The following MAP3K6 variants were observed in gnomAD, a reference collection of about 807,000 sequenced individuals.
MAP3K6 encodes the protein mitogen-activated protein kinase kinase kinase 6.
In MAP3K6, 105 loss-of-function variants were observed where a neutral mutation model predicts 147.1. The ratio of observed to expected loss-of-function variants is 0.71; its 90% CI spans 0.61 to 0.84. MAP3K6 has a LOEUF of 0.84. Among genes scored for constraint, MAP3K6 ranks in the 40% least tolerant of loss-of-function variants. The probability of loss-of-function intolerance (pLI) is 0.00; values close to 1 mark genes in which losing one functional copy is unlikely to be tolerated. For synonymous variants in MAP3K6, 695 were observed against 732.4 expected, an observed-to-expected ratio of 0.95 and a Z score of 0.82; for missense variants, 1,569 against 1,715.0, an observed-to-expected ratio of 0.91 and a Z score of 1.50.
At position 27,358,506 on chromosome 1, in the gene MAP3K6, C is replaced by T. The variant is rs763441636; in HGVS notation, c.2689G>A (p.Ala897Thr). 26 of 1,604,736 alleles carry T rather than the reference C, an allele frequency of 1.6e-5. No individual in the cohort carries two copies. The highest frequency in any genetic ancestry group is 8.9e-5 in the South Asian group (8 of 90,078). ...FEPDPRLRAS[A>T]QTLLGDPFLQ... is the part of the protein sequence containing the mutation. ...AAGGGGTCCCCCAGCAGTGTCTGGG[C>T]GCTGGCTCGGAGGCGGGGGTCTGGC... The change falls in exon 20 of 29, where the codon GCC (alanine) becomes ACC (threonine). Residue 897 changes from alanine (A) to threonine (T), a missense_variant. Coordinates refer to ENST00000357582, the MANE Select transcript of MAP3K6 (RefSeq NM_004672.5). This position sits in a 1 kb window ranked among gnomAD's most constrained non-coding sequence, Gnocchi z 6.2.
In MAP3K6 at chr1:27,359,703, C is replaced by T; in HGVS notation, c.2319+155G>A. On this transcript the variant is annotated intron_variant, in intron 17 of 28. Transcript: ENST00000357582. The surrounding 1 kb of genome is among the most constrained non-coding windows in gnomAD (Gnocchi z 4.4). ...CAATTGGTTTGGCTTCAGAGCTGAA[C>T]CTTTCCCCTCCTTCTCTAAGGAGCC... 1.2e-6 allele frequency: 1 copy of T among 865,148 alleles called. No homozygotes were observed. Among genetic ancestry groups the T allele is most frequent in the Non-Finnish European group, 1.4e-6 (1 of 720,562 alleles). 53.6% of individuals were successfully genotyped at this position (865,148 alleles called of 1,614,324 possible).
In MAP3K6 at chr1:27,361,187, A is replaced by C. The variant is rs774521273; in HGVS notation, c.1802T>G (p.Leu601Arg). The C allele has an allele frequency of 1.9e-6, 3 of 1,612,588 alleles. No individual in the cohort carries two copies. The highest frequency in any genetic ancestry group is 2.5e-6 in the Non-Finnish European group (3 of 1,179,674). Residue 601 changes from leucine to arginine, a missense_variant, in exon 13 of 29, where the codon CTG becomes CGG. By Grantham distance (102) the Leu-to-Arg change is moderately radical (BLOSUM62 -2). Coordinates refer to ENST00000357582, the MANE Select transcript of MAP3K6 (RefSeq NM_004672.5). ...YALPPAQDVQLCFPSVGHCQW... is the reference protein window; with the variant it reads ...YALPPAQDVQRCFPSVGHCQW... ...GCAGTGCCCTACGCTGGGGAAGCAC[A>C]GCTGGACGTCCTGAGCCGGGGGGAG...
In MAP3K6 at chr1:27,361,191, G is replaced by T; in HGVS notation, c.1798C>A (p.Gln600Lys). 6.2e-7 allele frequency: 1 copy of T among 1,612,760 alleles called. No homozygotes were observed. Among genetic ancestry groups the T allele is most frequent in the Non-Finnish European group, 8.5e-7 (1 of 1,179,748 alleles). The part of the protein sequence containing the change: ...LYALPPAQDV[Q>K]LCFPSVGHCQ... ...TGCCCTACGCTGGGGAAGCACAGCT[G>T]GACGTCCTGAGCCGGGGGGAGTGCA... The change falls in exon 13 of 29, where the codon CAG becomes AAG. Residue 600 changes from glutamine to lysine, a missense_variant. Coordinates refer to ENST00000357582, the MANE Select transcript of MAP3K6 (RefSeq NM_004672.5).
Position 27,364,171 on chromosome 1 carries a change from TC to T in MAP3K6, c.695+32del. The T allele has an allele frequency of 6.2e-7, 1 of 1,602,394 alleles. No individual in the cohort carries two copies. Among genetic ancestry groups the T allele is most frequent in the Non-Finnish European group, 8.5e-7 (1 of 1,174,422 alleles). Reference sequence around the variant, plus strand: ...GCCCACCATACCCTCACCAGCCCCCTCCTGGAGCACCCTCCCTGGGGGCCTT... The same window carrying T: ...GCCCACCATACCCTCACCAGCCCCCTCTGGAGCACCCTCCCTGGGGGCCTT... On this transcript the variant is annotated intron_variant, in intron 4 of 28. Coordinates refer to ENST00000357582, the MANE Select transcript of MAP3K6 (RefSeq NM_004672.5). This position sits in a 1 kb window ranked among gnomAD's most constrained non-coding sequence, Gnocchi z 4.4.
chr1:27,357,751 G>A lies in MAP3K6; in HGVS notation c.3041C>T (p.Ala1014Val). Residue 1014 changes from alanine (A) to valine (V), a missense_variant, in exon 22 of 29, where the codon GCG (alanine) becomes GTG (valine). Transcript: ENST00000357582. The stretch of plus-strand genomic sequence containing the variant: ...CTCCTGGTGCAGATTCTCCGCCAGC[G>A]CTGGCAGCTCCTGCTCCAATACTGC... ...LAAVLEQELP[A>V]LAENLHQEQK... 1 of 1,611,674 alleles carries A rather than the reference G, an allele frequency of 6.2e-7. No individual in the cohort carries two copies. Among genetic ancestry groups the A allele is most frequent in the Non-Finnish European group, 8.5e-7 (1 of 1,179,780 alleles).
At position 27,360,099 on chromosome 1, in the gene MAP3K6, C is replaced by A; in HGVS notation, c.2183-105G>T. 6.3e-7 allele frequency: 1 copy of A among 1,580,330 alleles called. No individual in the cohort carries two copies. Among genetic ancestry groups the A allele is most frequent in the Non-Finnish European group, 8.6e-7 (1 of 1,158,128 alleles). ...CCATGTTGTAGCCCAACTCCATCAC[C>A]CAGCGCCACTCCTCAGCTAATTCTA... On this transcript the variant is annotated intron_variant, in intron 16 of 28. Coordinates refer to ENST00000357582, the MANE Select transcript of MAP3K6 (RefSeq NM_004672.5). The surrounding 1 kb of genome is among the most constrained non-coding windows in gnomAD (Gnocchi z 4.5).
At chr1:27,355,605 AG>A in intron 28 of MAP3K6, 63 bp downstream of exon 28, 1 of 1,596,014 alleles carries the variant, frequency 6.3e-7, no homozygotes, top group South Asian at 1.1e-5. Flanking sequence ...GAACCTAGGC[AG>A]GCCTGCAGTT....
Position 27,357,392 on chromosome 1 carries a change from G to T in MAP3K6, c.3258+8C>A. On this transcript the variant is annotated splice_region_variant and intron_variant, in intron 23 of 28. Transcript: ENST00000357582. ...TGGGCAGCTCTAACTACCAGAAGGC[G>T]CCCTCACCGCATCCGGGAAGGCAAA... The T allele has an allele frequency of 5.7e-6, 9 of 1,588,470 alleles. No individual in the cohort carries two copies. The highest frequency in any genetic ancestry group is 6.0e-6 in the Non-Finnish European group (7 of 1,163,254).
In MAP3K6 at chr1:27,358,965, C is replaced by G; in HGVS notation, c.2426-99G>C. On this transcript the variant is annotated intron_variant, in intron 18 of 28. Coordinates refer to ENST00000357582, the MANE Select transcript of MAP3K6 (RefSeq NM_004672.5). This position sits in a 1 kb window ranked among gnomAD's most constrained non-coding sequence, Gnocchi z 6.2. ...CATCCTCAGGCCGACTGCACCCATACTGAACCTATCATCCAAAATATACCT... is the reference window on the plus strand; with the variant it reads ...CATCCTCAGGCCGACTGCACCCATAGTGAACCTATCATCCAAAATATACCT... The G allele has an allele frequency of 1.6e-6, 2 of 1,226,180 alleles. No individual in the cohort carries two copies. Among genetic ancestry groups the G allele is most frequent in the Non-Finnish European group, 2.3e-6 (2 of 879,004 alleles). 76.0% of individuals were successfully genotyped at this position (1,226,180 alleles called of 1,614,324 possible).
At chr1:27,356,893 A>C (rs1571060926) in intron 24 of MAP3K6, 116 bp downstream of exon 24, 1 of 1,406,902 alleles carries the variant, frequency 7.1e-7, no homozygotes, top group Non-Finnish European at 9.7e-7. Flanking sequence ...TCACGCCCCC[A>C]CCGGCGCCTG....
Position 27,355,745 on chromosome 1 carries a change from G to C in MAP3K6, c.3712C>G (p.Leu1238Val). ...TGGAGGGTGAAGCTATGGTTCAACA[G>C]CTGGATGTGGTCAAAGACCCGCAGA... ...LNVDSGTIQM[L>V]LNHSFTLHTL... Residue 1238 changes from leucine to valine, a missense_variant and splice_region_variant, in exon 28 of 29, where the codon CTG becomes GTG. Leu to Val is a conservative substitution (Grantham distance 32). Coordinates refer to ENST00000357582, the MANE Select transcript of MAP3K6 (RefSeq NM_004672.5). The C allele has an allele frequency of 6.2e-7, 1 of 1,613,798 alleles. No individual in the cohort carries two copies.
intron 22 of MAP3K6, 23 bp downstream of exon 22, chr1:27,357,688 G>A: frequency 6.2e-7 from 1 of 1,606,560 alleles, no homozygotes; most frequent in Non-Finnish European, 8.5e-7. Flanking sequence ...GACCACCAGG[G>A]GGCGCTAGAG....
rs1379788813 is a variant in MAP3K6 at position 27,357,591 on chromosome 1, A to G, written c.3082-15T>C. 1.2e-6 allele frequency: 2 copies of G among 1,600,054 alleles called. No individual in the cohort carries two copies. The highest frequency in any genetic ancestry group is 2.2e-5 in the South Asian group (2 of 90,808). The stretch of plus-strand genomic sequence containing the variant: ...AGACGGGCCCCCTGAGAAGGAAGAG[A>G]GGGGTTGTCAGCGAGTGCTCCAGCC... On this transcript the variant is annotated splice_polypyrimidine_tract_variant and intron_variant, in intron 22 of 28. Coordinates refer to ENST00000357582, the MANE Select transcript of MAP3K6 (RefSeq NM_004672.5).
In MAP3K6 at chr1:27,357,121, G is replaced by A. The variant is rs552464579; in HGVS notation, c.3259-7C>T. 2 of 1,611,040 alleles carry A rather than the reference G, an allele frequency of 1.2e-6. No individual in the cohort carries two copies. The highest frequency in any genetic ancestry group is 1.3e-5 in the African/African-American group (1 of 74,866). ...TGCGGAGGATCTGCTTCACCTGCAG[G>A]GGGAGGGAGGCGCCGCTGAGACAGC... On this transcript the variant is annotated splice_region_variant and splice_polypyrimidine_tract_variant and intron_variant, in intron 23 of 28. Coordinates refer to ENST00000357582, the MANE Select transcript of MAP3K6 (RefSeq NM_004672.5).
In MAP3K6 at chr1:27,360,670, G is replaced by T; in HGVS notation, c.2054+35C>A. ...GGCCCGGCTCACTCGGCCCTCGCGA[G>T]CCCTCAGCCCCACCCGCGCTGCCAC... On this transcript the variant is annotated intron_variant, in intron 15 of 28. Coordinates refer to ENST00000357582, the MANE Select transcript of MAP3K6 (RefSeq NM_004672.5). The surrounding 1 kb of genome is among the most constrained non-coding windows in gnomAD (Gnocchi z 4.5). 1.3e-6 allele frequency: 2 copies of T among 1,592,676 alleles called. No individual in the cohort carries two copies. The highest frequency in any genetic ancestry group is 1.1e-5 in the South Asian group (1 of 89,600).
Position 27,364,348 on chromosome 1 carries a change from G to A in MAP3K6, c.551C>T (p.Thr184Ile), listed in dbSNP as rs1231696242. The A allele has an allele frequency of 1.2e-6, 2 of 1,613,994 alleles. No homozygotes were observed. Among genetic ancestry groups the A allele is most frequent in the African/African-American group, 2.7e-5 (2 of 74,936 alleles). ...YTLIPYVVTATGRVLCGDAGL... is the reference protein window; with the variant it reads ...YTLIPYVVTAIGRVLCGDAGL... Reference sequence around the variant, plus strand: ...TGCATCACCACACAGCACCCGACCAGTGGCCGTCACCACATAGGGGATCAG... The same window carrying A: ...TGCATCACCACACAGCACCCGACCAATGGCCGTCACCACATAGGGGATCAG... The change falls in exon 4 of 29, where the codon ACT becomes ATT. Residue 184 changes from threonine (T) to isoleucine (I), a missense_variant. Thr to Ile is a moderately conservative substitution (Grantham distance 89, BLOSUM62 -1). Transcript: ENST00000357582. The surrounding 1 kb of genome is among the most constrained non-coding windows in gnomAD (Gnocchi z 4.4).
Position 27,360,881 on chromosome 1 carries a change from G to GC in MAP3K6, c.1920+39dup. The GC allele has an allele frequency of 1.9e-6, 3 of 1,609,450 alleles. No individual in the cohort carries two copies. Among genetic ancestry groups the GC allele is most frequent in the Non-Finnish European group, 2.5e-6 (3 of 1,177,856 alleles). On this transcript the variant is annotated intron_variant, in intron 14 of 28. Transcript: ENST00000357582. This position sits in a 1 kb window ranked among gnomAD's most constrained non-coding sequence, Gnocchi z 4.5. ...AGATGGGAGTTCAGCAGGGCCCGCG[G>GC]CCCCTCGCCCTCCGCGAGCTCCCAG...
chr1:27,362,199 T>C lies in MAP3K6; in HGVS notation c.1307A>G (p.Gln436Arg). The C allele has an allele frequency of 6.2e-7, 1 of 1,613,464 alleles. No homozygotes were observed. The highest frequency in any genetic ancestry group is 1.1e-5 in the South Asian group (1 of 91,068). ...GTAGAAACCCACATCCCAGTAATAC[T>C]GCATCTTCTCCACGCAGCCTTTGCG... ...LARKGCVEKM[Q>R]YYWDVGFYLG... The change falls in exon 9 of 29, where the codon CAG becomes CGG. Residue 436 changes from glutamine (Q) to arginine (R), a missense_variant. Physicochemically the swap from Gln to Arg is conservative, Grantham distance 43. Coordinates refer to ENST00000357582, the MANE Select transcript of MAP3K6 (RefSeq NM_004672.5).
In MAP3K6 at chr1:27,357,448, GC is replaced by G; in HGVS notation, c.3209del (p.Gly1070AlafsTer18). On this transcript the variant is annotated frameshift_variant, in exon 23 of 29. Coordinates refer to ENST00000357582, the MANE Select transcript of MAP3K6 (RefSeq NM_004672.5). LOFTEE classifies it high-confidence loss of function. ...GTCTGTGCAGAAGCGCAGGCCCAAG[GC>G]CCTGGGCCCTCAGCCGTCCTTGCAG... Reference protein sequence around the residue: ...RALQGRLRAQGLGPALLHRPL... With the variant: ...RALQGRLRAQXLGPALLHRPL... 1 of 1,613,390 alleles carries G rather than the reference GC, an allele frequency of 6.2e-7. No homozygotes were observed. Among genetic ancestry groups the G allele is most frequent in the African/African-American group, 1.3e-5 (1 of 75,030 alleles).
Sources: gnomAD v4.1 joint callset for allele counts on GRCh38, gnomAD v4.1.1 for gene constraint, Gnocchi (gnomAD v3.1) non-coding constraint, MANE v1.5 for transcripts, NCBI Gene and HGNC (gene_info 2026-07-23, HGNC 2026-07-21) for gene names.